The following LPP variants were observed in gnomAD, a reference collection of about 807,000 sequenced individuals.
The protein encoded by LPP is LIM domain containing preferred translocation partner in lipoma.
LPP carries 38 observed loss-of-function variants against 60.4 expected under a neutral mutation model. The ratio of observed to expected loss-of-function variants is 0.63; its 90% CI spans 0.49 to 0.83. The LOEUF is 0.83. Among genes scored for constraint, LPP ranks in the 40% least tolerant of loss-of-function variants. The pLI, the probability that LPP is intolerant of heterozygous loss-of-function variation, is 0.00. For synonymous variants in LPP, 328 were observed against 290.8 expected (o/e 1.13, Z -1.30); for missense variants, 902 against 783.6 (o/e 1.15, Z -1.80).
At chr3:188,231,484 A>G (rs1396523574) in intron 2 of LPP, among the ~76,000 whole-genome samples, 2 of 152,124 alleles carry the variant, frequency 1.3e-5, no homozygotes, top group Non-Finnish European at 2.9e-5. Context: ...GAAAAACACA[A>G]GTTTTCAATT....
chr3:188,260,118 C>T (rs1380033367), intron 2 of LPP, among the ~76,000 whole-genome samples: 1 of 152,056 alleles, frequency 6.6e-6, no homozygotes, highest in East Asian at 1.9e-4. Context: ...CGGCTGACTG[C>T]AACCCCTGCC....
chr3:188,488,850 G>T (rs1269372126), intron 5 of LPP, among the ~76,000 whole-genome samples: 1 of 152,046 alleles, frequency 6.6e-6, no homozygotes, highest in African/African-American at 2.4e-5. Flanking sequence ...TATTGGCCAG[G>T]TTGGTCTCAA....
intron 6 of LPP, among the ~76,000 whole-genome samples, chr3:188,570,387 G>C (rs1004431072): frequency 2.0e-5 from 3 of 151,942 alleles, no homozygotes; most frequent in Non-Finnish European, 4.4e-5. Context: ...TATGTATGAA[G>C]CATTTGGAAT....
intron 2 of LPP, among the ~76,000 whole-genome samples, chr3:188,227,794 C>A (rs1035508002): frequency 3.3e-5 from 5 of 152,158 alleles, no homozygotes; most frequent in African/African-American, 7.2e-5. Flanking sequence ...GGGGAAAGAG[C>A]CTGGTTTGCT....
Position 188,228,624 on chromosome 3 carries a change from T to C in LPP, c.-67+3097T>C, listed in dbSNP as rs544980654. On this transcript the variant is annotated intron_variant, in intron 2 of 11. Coordinates refer to ENST00000617246, the MANE Select transcript of LPP (RefSeq NM_001375462.1). ...TGTGGCAAGACCCTGTCTCTACAAC[T>C]AAACAAACAAAATCCCAAATGACTG... Among the ~76,000 whole-genome samples, 12 of 152,260 alleles carry C rather than the reference T, an allele frequency of 7.9e-5. No homozygotes were observed. In the South Asian group the frequency reaches 2.5e-3, roughly 32 times the overall value.
intron 5 of LPP, among the ~76,000 whole-genome samples, chr3:188,520,914 A>G (rs955049641): frequency 3.9e-5 from 6 of 152,196 alleles, no homozygotes; most frequent in Non-Finnish European, 2.9e-5. Context: ...TAGGAGAAAG[A>G]CATGTTGGTA....
At chr3:188,650,323 G>T (rs1851841752) in intron 7 of LPP, among the ~76,000 whole-genome samples, 1 of 152,178 alleles carries the variant, frequency 6.6e-6, no homozygotes, top group South Asian at 2.1e-4. Flanking sequence ...TGCTGAAAAT[G>T]ATTTTTTTGT....
intron 2 of LPP, among the ~76,000 whole-genome samples, chr3:188,300,197 T>C (rs1282694131): frequency 6.6e-6 from 1 of 151,688 alleles, no homozygotes; most frequent in Non-Finnish European, 1.5e-5. Context: ...GGGTTGTGTG[T>C]GTTTATTTTT....
intron 4 of LPP, among the ~76,000 whole-genome samples, chr3:188,439,234 T>A (rs1793162063): frequency 6.6e-6 from 1 of 152,200 alleles, no homozygotes; most frequent in Non-Finnish European, 1.5e-5. Context: ...TCTGTTCTAT[T>A]AATAATGTTA....
intron 7 of LPP, among the ~76,000 whole-genome samples, chr3:188,615,398 T>C (rs1213539318): frequency 6.6e-6 from 1 of 152,222 alleles, no homozygotes; most frequent in Non-Finnish European, 1.5e-5. Flanking sequence ...TAAAAGCTAG[T>C]TGTGTGTTAT....
intron 11 of LPP, among the ~76,000 whole-genome samples, chr3:188,874,121 A>G (rs1006766815): frequency 2.0e-5 from 3 of 152,082 alleles, no homozygotes; most frequent in Admixed American, 2.0e-4. Context: ...GGAGGATTAT[A>G]TTTATGTCCA....
At chr3:188,350,053 T>C (rs1318915281) in intron 3 of LPP, among the ~76,000 whole-genome samples, 3 of 152,214 alleles carry the variant, frequency 2.0e-5, no homozygotes, top group Admixed American at 6.5e-5. Context: ...ATTGCACACT[T>C]CTGAGCTTGT....
chr3:188,318,410 C>T (rs1382811659), intron 2 of LPP, among the ~76,000 whole-genome samples: 1 of 107,494 alleles, frequency 9.3e-6, no homozygotes, highest in Non-Finnish European at 1.8e-5. Context: ...CTAGGATTTC[C>T]AAAAAAACAA....
At position 188,361,000 on chromosome 3, in the gene LPP, C is replaced by A. The variant is rs372376740; in HGVS notation, c.-10+19281C>A. ...ATTATTGTTGATGTTTTCTTTGTTT[C>A]TGTACAGTTGACTCATTTGCTTTAT... On this transcript the variant is annotated intron_variant, in intron 3 of 11. Transcript: ENST00000617246. Among the ~76,000 whole-genome samples the A allele has an allele frequency of 1.5e-4, 23 of 152,230 alleles. No homozygotes were observed. In the East Asian group the frequency reaches 4.2e-3, roughly 28 times the overall value.
At chr3:188,360,908 A>G (rs1292578593) in intron 3 of LPP, among the ~76,000 whole-genome samples, 3 of 152,244 alleles carry the variant, frequency 2.0e-5, no homozygotes, top group South Asian at 4.1e-4. Flanking sequence ...GCAGAAGCTC[A>G]TGAAAAAGGT....
At chr3:188,407,799 T>TTTTTTTTTTTTTGTTTTTTTTG (rs1445752397) in intron 4 of LPP, among the ~76,000 whole-genome samples, 1 of 138,484 alleles carries the variant, frequency 7.2e-6, no homozygotes, top group Admixed American at 7.3e-5. Flanking sequence ...TTTTTTTTTT[T>TTTTTTTTTTTTTGTTTTTTTTG]TTTTTTTTGA....
intron 6 of LPP, among the ~76,000 whole-genome samples, chr3:188,561,689 T>A (rs1830724490): frequency 6.6e-6 from 1 of 152,102 alleles, no homozygotes; most frequent in African/African-American, 2.4e-5. Flanking sequence ...TTGTCTAGCA[T>A]GTTCTACTTC....
At chr3:188,233,057 G>A (rs980803425) in intron 2 of LPP, among the ~76,000 whole-genome samples, 1 of 152,066 alleles carries the variant, frequency 6.6e-6, no homozygotes, top group African/African-American at 2.4e-5. Flanking sequence ...TGTTTACACT[G>A]TCCCCTTGGA....
chr3:188,365,704 C>A (rs1431082702), intron 3 of LPP, among the ~76,000 whole-genome samples: 1 of 134,902 alleles, frequency 7.4e-6, no homozygotes, highest in African/African-American at 2.7e-5. Context: ...TTTTTTTTTA[C>A]TCTGTTGAAT....
Sources: gnomAD v4.1 joint callset for allele counts (sites outside exome capture counted in the v4.1 genomes callset) on GRCh38, gnomAD v4.1.1 for gene constraint, MANE v1.5 for transcripts, NCBI Gene and HGNC (gene_info 2026-07-23, HGNC 2026-07-21) for gene names.